The following ADGRV1 variants were observed in gnomAD, a reference collection of about 807,000 sequenced individuals.
ADGRV1 encodes G-protein coupled receptor 98.
A neutral mutation model predicts 596.2 loss-of-function variants in ADGRV1; 359 were observed. The ratio of observed to expected loss-of-function variants is 0.60; its 90% confidence interval spans 0.55 to 0.66. The LOEUF is 0.66. ADGRV1 is among the 30% of genes least tolerant of loss of function. ADGRV1 has a pLI of 0.00. For missense variants in ADGRV1, 7,274 were observed against 7,575.6 expected (o/e 0.96, Z 1.48); for synonymous variants, 2,681 against 2,679.2 (o/e 1.00, Z -0.02).
At chr5:90,595,688 G>C (rs1322003645) in intron 1 of ADGRV1, among the ~76,000 whole-genome samples, 1 of 132,310 alleles carries the variant, frequency 7.6e-6, no homozygotes, top group Non-Finnish European at 1.6e-5. Context: ...CCTCCCGGAC[G>C]GGGCGGCTGG....
At chr5:91,051,815 G>A (rs764981150) in intron 85 of ADGRV1, among the ~76,000 whole-genome samples, 1 of 152,108 alleles carries the variant, frequency 6.6e-6, no homozygotes, top group Non-Finnish European at 1.5e-5. Context: ...ACATCCCAAT[G>A]AGCATCTATA....
At position 90,725,140 on chromosome 5, in the gene ADGRV1, C is replaced by T. The variant is rs763210850; in HGVS notation, c.9961C>T (p.Pro3321Ser). 2 of 1,545,346 alleles carry T rather than the reference C, an allele frequency of 1.3e-6. No homozygotes were observed. Among genetic ancestry groups the T allele is most frequent in the East Asian group, 2.3e-5 (1 of 44,120 alleles). Residue 3321 changes from proline (P) to serine (S), a missense_variant, in exon 47 of 90, where the codon CCC becomes TCC. Around this residue, in one of 5 missense-constraint regions of ADGRV1, gnomAD observed 3,643 missense variants for 3,809.2 expected, o/e 0.96. Coordinates refer to ENST00000405460, the MANE Select transcript of ADGRV1 (RefSeq NM_032119.4). ...TGAGGCCTTTAATATTGGTTTTTCTCCCTACTTTGTGATTACTCATGAAGA... is the reference window on the plus strand; with the variant it reads ...TGAGGCCTTTAATATTGGTTTTTCTTCCTACTTTGTGATTACTCATGAAGA... Reference protein sequence around the residue: ...TCEAFNIGFSPYFVITHEERN... With the variant: ...TCEAFNIGFSSYFVITHEERN...
intron 83 of ADGRV1, among the ~76,000 whole-genome samples, chr5:90,958,178 T>C (rs992370492): frequency 1.3e-5 from 2 of 150,196 alleles, no homozygotes; most frequent in Non-Finnish European, 3.0e-5. Context: ...CAGCTACTTC[T>C]GAGGCTGAGG....
At chr5:91,125,999 T>C (rs957073154) in intron 87 of ADGRV1, among the ~76,000 whole-genome samples, 1 of 152,226 alleles carries the variant, frequency 6.6e-6, no homozygotes, top group Non-Finnish European at 1.5e-5. Context: ...AAGCTTTCCA[T>C]GCCCACTCTA....
At chr5:90,574,701 T>C (rs1187880649) in intron 1 of ADGRV1, among the ~76,000 whole-genome samples, 1 of 152,188 alleles carries the variant, frequency 6.6e-6, no homozygotes, top group Non-Finnish European at 1.5e-5. Flanking sequence ...AGTTCAGCTG[T>C]GAATCCATCT....
chr5:90,795,899 C>G (rs528410207), intron 70 of ADGRV1, among the ~76,000 whole-genome samples: 1 of 152,316 alleles, frequency 6.6e-6, no homozygotes, highest in South Asian at 2.1e-4. Context: ...AGACCTGCAG[C>G]AGAGGGACCT....
chr5:90,600,311 C>A (rs192081836), intron 1 of ADGRV1, among the ~76,000 whole-genome samples: 2 of 152,272 alleles, frequency 1.3e-5, no homozygotes, highest in Non-Finnish European at 2.9e-5. Flanking sequence ...CCCTTCCCCC[C>A]ACCTCACAAC....
At position 90,730,907 on chromosome 5, in the gene ADGRV1, G is replaced by T. The variant is rs187181032; in HGVS notation, c.10549+1143G>T. The stretch of plus-strand genomic sequence containing the variant: ...AGTCCTGCTTTTAAATTGAGATATG[G>T]CAATTCTGTATGAATTAAATGGCAC... On this transcript the variant is annotated intron_variant, in intron 50 of 89. Transcript: ENST00000405460. 1.6e-4 allele frequency among the ~76,000 whole-genome samples: 24 copies of T among 152,116 alleles called. 1 individual carries two copies. Among genetic ancestry groups the T allele is most frequent in the Admixed American group, 1.6e-3 (24 of 15,288 alleles).
chr5:90,740,890 GA>G (rs1753879536), intron 50 of ADGRV1, among the ~76,000 whole-genome samples: 1 of 152,196 alleles, frequency 6.6e-6, no homozygotes, highest in South Asian at 2.1e-4. Context: ...TAGTCAAAGA[GA>G]AACTGTTCCT....
intron 83 of ADGRV1, among the ~76,000 whole-genome samples, chr5:90,872,625 G>A (rs1025127468): frequency 6.6e-6 from 1 of 152,148 alleles, no homozygotes; most frequent in African/African-American, 2.4e-5. Flanking sequence ...GTTAATTCCA[G>A]CACTCTATGG....
intron 85 of ADGRV1, among the ~76,000 whole-genome samples, chr5:91,010,582 C>T (rs1237565416): frequency 2.6e-5 from 4 of 151,904 alleles, no homozygotes; most frequent in Non-Finnish European, 5.9e-5. Flanking sequence ...ATTAAACCCA[C>T]CAGGAAATGA....
chr5:91,048,292 G>A (rs73771167), intron 85 of ADGRV1, among the ~76,000 whole-genome samples: 2,560 of 152,314 alleles, frequency 0.017, 69 homozygotes, highest in African/African-American at 0.059. Context: ...CCTTCCAGAA[G>A]GTTCTATCAG....
intron 87 of ADGRV1, among the ~76,000 whole-genome samples, chr5:91,147,802 G>A (rs530497208): frequency 6.6e-6 from 1 of 152,234 alleles, no homozygotes; most frequent in Admixed American, 6.5e-5. Context: ...CTAGGTAACA[G>A]GCAGAGGTTG....
intron 68 of ADGRV1, among the ~76,000 whole-genome samples, chr5:90,789,353 A>G (rs1487124550): frequency 6.6e-6 from 1 of 152,196 alleles, no homozygotes; most frequent in Non-Finnish European, 1.5e-5. Flanking sequence ...CATGTATATC[A>G]TAGCTAGTAG....
chr5:90,750,539 G>A lies in ADGRV1; in HGVS notation c.10975-12G>A, dbSNP rs781223841. 1 of 1,589,702 alleles carries A rather than the reference G, an allele frequency of 6.3e-7. No homozygotes were observed. The highest frequency in any genetic ancestry group is 8.6e-7 in the Non-Finnish European group (1 of 1,165,762). On this transcript the variant is annotated splice_polypyrimidine_tract_variant and intron_variant, in intron 52 of 89. Transcript: ENST00000405460. ...CAGGGAACCCCTTGTGACTTTCTGT[G>A]TATTTTTTCAGAATTCATTATATAA...
At position 90,763,445 on chromosome 5, in the gene ADGRV1, G is replaced by T. The variant is rs771000002; in HGVS notation, c.12261G>T (p.Leu4087Phe). ...DEKAKHNLSP[L>F]NGTLHFDETE... ...AGGCTAAACATAACCTTAGTCCTTTGAATGGGACCCTTCATTTTGATGAGG... is the reference window on the plus strand; with the variant it reads ...AGGCTAAACATAACCTTAGTCCTTTTAATGGGACCCTTCATTTTGATGAGG... The change falls in exon 59 of 90, where the codon TTG becomes TTT. Residue 4087 changes from leucine to phenylalanine, a missense_variant. Around this residue, in one of 5 missense-constraint regions of ADGRV1, gnomAD observed 3,643 missense variants for 3,809.2 expected, o/e 0.96. Coordinates refer to ENST00000405460, the MANE Select transcript of ADGRV1 (RefSeq NM_032119.4). 39 of 1,612,816 alleles carry T rather than the reference G, an allele frequency of 2.4e-5. No individual in the cohort carries two copies. Among genetic ancestry groups the T allele is most frequent in the Non-Finnish European group, 3.3e-5 (39 of 1,179,084 alleles).
chr5:90,735,553 A>G (rs2149852635), intron 50 of ADGRV1, among the ~76,000 whole-genome samples: 1 of 152,326 alleles, frequency 6.6e-6, no homozygotes, highest in South Asian at 2.1e-4. Flanking sequence ...TAGAAAAATG[A>G]TACCAGAATT....
rs116446814 is a variant in ADGRV1, at chr5:90,697,124, C to T, written c.8133C>T (p.Ser2711=). 5.0e-4 allele frequency: 809 copies of T among 1,613,222 alleles called. 3 individuals are homozygous for T. In the African/African-American group the frequency reaches 1.0e-2, roughly 20 times the overall value. ...GAATTGTTAGCTTTCAGACAGCTTC[C>T]AGATCTGTCATAGGTCATGAAGGTG... The part of the protein sequence containing the change: ...VAGIVSFQTA[S]RSVIGHEGEI... The change falls in exon 34 of 90, where the codon TCC becomes TCT. Residue 2711 remains serine, a synonymous_variant. Coordinates refer to ENST00000405460, the MANE Select transcript of ADGRV1 (RefSeq NM_032119.4).
At chr5:90,848,106 G>T (rs1359825585) in intron 78 of ADGRV1, among the ~76,000 whole-genome samples, 2 of 152,126 alleles carry the variant, frequency 1.3e-5, no homozygotes, top group Non-Finnish European at 2.9e-5. Context: ...TAGTAGGAAG[G>T]GTCATACTTA....
Sources: allele counts gnomAD v4.1 joint callset (sites outside exome capture counted in the v4.1 genomes callset), GRCh38; gene constraint gnomAD v4.1.1; regional missense constraint gnomAD v4.1.1; transcripts MANE v1.5; gene names NCBI Gene and HGNC (gene_info 2026-07-23, HGNC 2026-07-21).